Variants in CNOT6L observed in about 807,000 individuals in gnomAD.
The protein encoded by CNOT6L is CCR4-NOT transcription complex subunit 6 like.
CNOT6L carries 7 observed loss-of-function variants against 64.0 expected under a neutral mutation model. The observed-to-expected ratio is 0.11, with a 90% CI of 0.06 to 0.21. The LOEUF is 0.21. Ranked by LOEUF, CNOT6L falls within the 10% of genes least tolerant of loss-of-function variation. The pLI, the probability that CNOT6L is intolerant of heterozygous loss-of-function variation, is 1.00. For synonymous variants in CNOT6L, 193 were observed against 243.4 expected, an observed-to-expected ratio of 0.79 and a Z score of 1.93; for missense variants, 245 against 669.0, an observed-to-expected ratio of 0.37 and a Z score of 6.99.
intron 1 of CNOT6L, among the ~76,000 whole-genome samples, chr4:77,804,137 T>G (rs534685690): frequency 6.6e-6 from 1 of 151,918 alleles, no homozygotes; most frequent in Non-Finnish European, 1.5e-5. Context: ...TAAAAAGGAA[T>G]GAAATATTGG....
intron 8 of CNOT6L, among the ~76,000 whole-genome samples, chr4:77,732,975 ATGG>A (rs1722607525): frequency 6.6e-6 from 1 of 152,100 alleles, no homozygotes; most frequent in Non-Finnish European, 1.5e-5. Context: ...AAGAGAAATG[ATGG>A]TGGCTTGAAC....
chr4:77,808,813 A>C (rs1336807992), intron 1 of CNOT6L, among the ~76,000 whole-genome samples: 2 of 152,270 alleles, frequency 1.3e-5, no homozygotes, highest in East Asian at 3.9e-4. Context: ...ATGTCATAGC[A>C]CTTAATGTTA....
chr4:77,782,107 A>G (rs1350385272), intron 1 of CNOT6L, among the ~76,000 whole-genome samples: 2 of 152,064 alleles, frequency 1.3e-5, no homozygotes. Context: ...TTCTCATATA[A>G]ATCTGTCTTA....
intron 11 of CNOT6L, among the ~76,000 whole-genome samples, chr4:77,721,325 C>T (rs1323870709): frequency 6.6e-6 from 1 of 152,280 alleles, no homozygotes; most frequent in Middle Eastern, 3.4e-3. Context: ...TCTGTCAGAG[C>T]TAGATGACTG....
chr4:77,738,978 G>A (rs1167046694), intron 8 of CNOT6L, among the ~76,000 whole-genome samples: 1 of 152,048 alleles, frequency 6.6e-6, no homozygotes, highest in African/African-American at 2.4e-5. Flanking sequence ...TGTTCATAAT[G>A]ATGACCAAAC....
intron 1 of CNOT6L, among the ~76,000 whole-genome samples, chr4:77,817,014 T>C (rs1237999759): frequency 6.6e-6 from 1 of 152,204 alleles, no homozygotes; most frequent in African/African-American, 2.4e-5. Flanking sequence ...AGAAGTTTTA[T>C]TTACCAAATC....
rs1351123144 is a variant in CNOT6L, at chr4:77,769,525, T to C, written c.400+3556A>G. Among the ~76,000 whole-genome samples, 5 of 152,300 alleles carry C rather than the reference T, an allele frequency of 3.3e-5. No homozygotes were observed. In the South Asian group the frequency reaches 6.2e-4, roughly 19 times the overall value. ...CATCATCTGGTACGAACTATTAATATGTTCTCTACTAGACTGTTCTTTTTC... is the reference window on the plus strand; with the variant it reads ...CATCATCTGGTACGAACTATTAATACGTTCTCTACTAGACTGTTCTTTTTC... On this transcript the variant is annotated intron_variant, in intron 4 of 11. Transcript: ENST00000504123.
rs115023360 is a variant in CNOT6L, at chr4:77,744,355, A to T, written c.717+363T>A. On this transcript the variant is annotated intron_variant, in intron 7 of 11. Coordinates refer to ENST00000504123, the MANE Select transcript of CNOT6L (RefSeq NM_144571.3). ...AACTGTGGGCAAGCTTTTTTTTTTA[A>T]AAAAAAACAGACTCCAATACAAGGT... 1.2e-3 allele frequency among the ~76,000 whole-genome samples: 176 copies of T among 151,820 alleles called. 1 individual carries two copies. The highest frequency in any genetic ancestry group is 3.6e-3 in the African/African-American group (149 of 41,326).
Position 77,715,519 on chromosome 4 carries a change from C to T in CNOT6L, c.*4912G>A, listed in dbSNP as rs575905916. On this transcript the variant is annotated 3_prime_UTR_variant, in exon 12 of 12. Coordinates refer to ENST00000504123, the MANE Select transcript of CNOT6L (RefSeq NM_144571.3). ...GTTCCAGGAAAAACCCAAGTCTAAC[C>T]AAATGTATGCCACAAGGAACTGCCA... is the stretch of plus-strand genomic sequence containing the variant. The T allele has an allele frequency of 6.6e-6, 1 of 152,180 alleles. No homozygotes were observed. Among genetic ancestry groups the T allele is most frequent in the African/African-American group, 2.4e-5 (1 of 41,536 alleles). 9.4% of individuals were successfully genotyped at this position (152,180 alleles called of 1,614,324 possible).
intron 10 of CNOT6L, among the ~76,000 whole-genome samples, chr4:77,728,469 G>T (rs1463292981): frequency 6.6e-6 from 1 of 152,090 alleles, no homozygotes; most frequent in African/African-American, 2.4e-5. Flanking sequence ...CTTCTTTTTG[G>T]TTTGCCAGGG....
chr4:77,724,006 T>C (rs1024744982), intron 11 of CNOT6L, among the ~76,000 whole-genome samples: 4 of 152,036 alleles, frequency 2.6e-5, no homozygotes, highest in African/African-American at 7.2e-5. Context: ...ACACCTGTAA[T>C]CCTAGTACTT....
chr4:77,807,821 A>C (rs1732430656), intron 1 of CNOT6L, among the ~76,000 whole-genome samples: 1 of 152,214 alleles, frequency 6.6e-6, no homozygotes, highest in African/African-American at 2.4e-5. Context: ...TAGGTATTCC[A>C]ATGGCCTCAA....
chr4:77,774,201 C>G (rs184285380), intron 3 of CNOT6L, among the ~76,000 whole-genome samples: 1 of 152,150 alleles, frequency 6.6e-6, no homozygotes, highest in East Asian at 1.9e-4. Context: ...GAGATATGTT[C>G]TTGTAAGTTT....
intron 8 of CNOT6L, among the ~76,000 whole-genome samples, chr4:77,736,966 A>G (rs1423157016): frequency 9.3e-6 from 1 of 107,274 alleles, no homozygotes; most frequent in Non-Finnish European, 2.1e-5. Flanking sequence ...CGTCCAGAGC[A>G]GTCCTTCAAA....
At chr4:77,808,335 G>A (rs931967482) in intron 1 of CNOT6L, among the ~76,000 whole-genome samples, 6 of 151,634 alleles carry the variant, frequency 4.0e-5, no homozygotes, top group Non-Finnish European at 8.8e-5. Flanking sequence ...GGTGGTGTGC[G>A]CCTGTAATCC....
intron 6 of CNOT6L, 21 bp from the exon 7 acceptor site, chr4:77,744,896 C>A (rs777170098): frequency 1.1e-4 from 178 of 1,579,226 alleles, no homozygotes; most frequent in Non-Finnish European, 1.1e-4. Flanking sequence ...GGAGAAAAAA[C>A]AACAGACAAA....
At chr4:77,782,621 C>T (rs931879231) in intron 1 of CNOT6L, among the ~76,000 whole-genome samples, 2 of 148,782 alleles carry the variant, frequency 1.3e-5, no homozygotes, top group African/African-American at 5.0e-5. Context: ...GGATTACAGG[C>T]ATGAGCCACA....
chr4:77,746,055 GAAGT>G (rs1177909579), intron 6 of CNOT6L, among the ~76,000 whole-genome samples: 1 of 152,160 alleles, frequency 6.6e-6, no homozygotes. Context: ...ACTACACTGT[GAAGT>G]AAGCACCCTG....
rs568983769 is a variant in CNOT6L at position 77,728,916 on chromosome 4, G to T, written c.1190C>A (p.Thr397Asn). The change falls in exon 10 of 12, where the codon ACT (threonine) becomes AAT (asparagine). Residue 397 changes from threonine (T) to asparagine (N), a missense_variant. By Grantham distance (65) the Thr-to-Asn change is moderately conservative. Transcript: ENST00000504123. ...EKASSRPGSP[T>N]ADPNSIPLVL... ...CAGCGGGATGGAATTAGGATCTGCA[G>T]TTGGGCTTCCAGGCCTACTAGAGGC... 4 of 1,613,836 alleles carry T rather than the reference G, an allele frequency of 2.5e-6. No individual in the cohort carries two copies. The South Asian group carries it at 4.4e-5, about 18-fold the overall frequency.
Sources: allele counts gnomAD v4.1 joint callset (sites outside exome capture counted in the v4.1 genomes callset), GRCh38; gene constraint gnomAD v4.1.1; transcripts MANE v1.5; gene names NCBI Gene and HGNC (gene_info 2026-07-23, HGNC 2026-07-21).